ZNF773: variants seen among roughly 807,000 people sequenced by gnomAD.
The protein encoded by ZNF773 is zinc finger protein 419B.
A neutral mutation model predicts 12.8 loss-of-function variants in ZNF773; 11 were observed. That is an observed-to-expected ratio of 0.86 (90% CI 0.54 to 1.42). The LOEUF (loss-of-function observed/expected upper bound fraction) is 1.42, where lower values mean the gene tolerates loss of function less well. Ranked by LOEUF, ZNF773 falls within the 40% of genes most tolerant of loss-of-function variation. The pLI, the probability that ZNF773 is intolerant of heterozygous loss-of-function variation, is 0.00. For synonymous variants in ZNF773, 175 were observed against 178.4 expected (o/e 0.98, Z 0.15); for missense variants, 518 against 527.2 (o/e 0.98, Z 0.17).
At chr19:57,515,673 G>A (rs2089827238), downstream of ZNF773, 1 of 152,148 alleles carries the variant, frequency 6.6e-6, no homozygotes, top group African/African-American at 2.4e-5. Context: ...ACTGACAATG[G>A]ACCTGCTTAT....
downstream of ZNF773, among the ~76,000 whole-genome samples, chr19:57,510,475 T>C (rs192515581): frequency 3.2e-4 from 48 of 152,276 alleles, no homozygotes; most frequent in East Asian, 8.7e-3. Flanking sequence ...TCCCCAACAT[T>C]AGGAATAACA....
At chr19:57,505,059 G>A in intron 2 of ZNF773, 1 of 708,794 alleles carries the variant, frequency 1.4e-6, no homozygotes, top group Non-Finnish European at 2.6e-6. Flanking sequence ...GTGGCCTGGT[G>A]ACACTGTGCA....
At chr19:57,517,777 A>G (rs986881092), downstream of ZNF773, 1 of 152,216 alleles carries the variant, frequency 6.6e-6, no homozygotes, top group Admixed American at 6.5e-5. Flanking sequence ...ATTCAATGTT[A>G]CTTTTGATAT....
chr19:57,507,710 A>C lies in ZNF773; in HGVS notation c.*286A>C, dbSNP rs1366976873. The C allele has an allele frequency of 8.3e-7, 1 of 1,205,770 alleles. No homozygotes were observed. Among genetic ancestry groups the C allele is most frequent in the African/African-American group, 1.6e-5 (1 of 63,964 alleles). 74.7% of individuals were successfully genotyped at this position (1,205,770 alleles called of 1,614,324 possible). ...CAGAAACAGCCAGGCGTGGTGGCTG[A>C]CACCTGTTATTCTCACCACTTTGGG... On this transcript the variant is annotated 3_prime_UTR_variant, in exon 4 of 4. Transcript: ENST00000282292.
At chr19:57,516,170 G>C (rs1037625226), downstream of ZNF773, 1 of 155,802 alleles carries the variant, frequency 6.4e-6, no homozygotes, top group African/African-American at 2.4e-5. Flanking sequence ...CCATGAGCTA[G>C]TTGAATCTGA....
chr19:57,504,503 A>G lies in ZNF773; in HGVS notation c.34-154A>G, dbSNP rs565218361. On this transcript the variant is annotated intron_variant, in intron 1 of 3. Transcript: ENST00000282292. ...ACCTGCCTCTGCTTGCTCAGTGGGA[A>G]CATGAGGAGAGAGTGGGCATCAGTG... Among the ~76,000 whole-genome samples the G allele has an allele frequency of 6.8e-4, 103 of 152,170 alleles. 1 individual carries two copies. The highest frequency in any genetic ancestry group is 1.4e-3 in the African/African-American group (57 of 41,546).
At position 57,500,022 on chromosome 19, in the gene ZNF773, C is replaced by T; in HGVS notation, c.-59C>T. 1 of 1,529,532 alleles carries T rather than the reference C, an allele frequency of 6.5e-7. No homozygotes were observed. 94.7% of individuals were successfully genotyped at this position (1,529,532 alleles called of 1,614,324 possible). ...CAGAGGCGGGTCTGAGGCTCGGTGG[C>T]GGCGCCCAGGGTGGCCCGGGCCCTT... is the stretch of plus-strand genomic sequence containing the variant. On this transcript the variant is annotated 5_prime_UTR_variant, in exon 1 of 4. Coordinates refer to ENST00000282292, the MANE Select transcript of ZNF773 (RefSeq NM_198542.3).
chr19:57,512,420 T>TTTTG (rs1310928058), downstream of ZNF773, among the ~76,000 whole-genome samples: 2 of 131,620 alleles, frequency 1.5e-5, no homozygotes, highest in Non-Finnish European at 3.3e-5. Flanking sequence ...TTTTTTTTTT[T>TTTTG]TTGAGATGGA....
downstream of ZNF773, chr19:57,517,592 G>C (rs538699507): frequency 1.3e-4 from 20 of 149,548 alleles, no homozygotes; most frequent in African/African-American, 5.1e-4. Flanking sequence ...ACAAACAGAA[G>C]TGGCAATGTT....
At chr19:57,514,407 C>G (rs944913670), downstream of ZNF773, 1 of 152,196 alleles carries the variant, frequency 6.6e-6, no homozygotes, top group Admixed American at 6.5e-5. Flanking sequence ...TTATCAGACC[C>G]TCCAAGGAGA....
At position 57,507,816 on chromosome 19, in the gene ZNF773, T is replaced by C; in HGVS notation, c.*392T>C. ...AATGAAACCACATCTCTACTAAAAA[T>C]ACAAAAATTTACTGGGCATGGTGGT... is the stretch of plus-strand genomic sequence containing the variant. On this transcript the variant is annotated 3_prime_UTR_variant, in exon 4 of 4. Coordinates refer to ENST00000282292, the MANE Select transcript of ZNF773 (RefSeq NM_198542.3). 1 of 588,010 alleles carries C rather than the reference T, an allele frequency of 1.7e-6. No homozygotes were observed. 36.4% of individuals were successfully genotyped at this position (588,010 alleles called of 1,614,324 possible).
At chr19:57,503,536 T>G (rs1299001141) in intron 1 of ZNF773, among the ~76,000 whole-genome samples, 1 of 152,182 alleles carries the variant, frequency 6.6e-6, no homozygotes, top group Non-Finnish European at 1.5e-5. Context: ...TTCATCCAAC[T>G]GTGGGATCAC....
Position 57,508,160 on chromosome 19 carries a change from A to G in ZNF773, c.*736A>G. ...CGTCTCAAAAAAAAAAAAAAAAAAC[A>G]AAAAAAACCCAGAAACTCTGAGGGT... On this transcript the variant is annotated 3_prime_UTR_variant, in exon 4 of 4. Transcript: ENST00000282292. 1 of 862,406 alleles carries G rather than the reference A, an allele frequency of 1.2e-6. No individual in the cohort carries two copies. 53.4% of individuals were successfully genotyped at this position (862,406 alleles called of 1,614,324 possible).
chr19:57,500,279 A>G (rs2089654283), intron 1 of ZNF773, among the ~76,000 whole-genome samples, 166 bp downstream of exon 1: 1 of 151,982 alleles, frequency 6.6e-6, no homozygotes, highest in Admixed American at 6.5e-5. Flanking sequence ...GCTCGCAAAG[A>G]TGTGAGGCGC....
At chr19:57,502,508 G>A (rs2089681454) in intron 1 of ZNF773, among the ~76,000 whole-genome samples, 1 of 152,086 alleles carries the variant, frequency 6.6e-6, no homozygotes, top group Non-Finnish European at 1.5e-5. Flanking sequence ...AAATGGGGAA[G>A]GCTACACAGG....
chr19:57,513,052 A>T (rs749124628), downstream of ZNF773: 1 of 1,559,494 alleles, frequency 6.4e-7, no homozygotes, highest in Non-Finnish European at 8.7e-7. Context: ...GTGGCGCCCG[A>T]ACAGGGACGT....
chr19:57,503,289 A>G (rs1393418264), intron 1 of ZNF773, among the ~76,000 whole-genome samples: 1 of 152,168 alleles, frequency 6.6e-6, no homozygotes, highest in East Asian at 1.9e-4. Context: ...TGGTAATGCC[A>G]TTAGGTAATA....
chr19:57,500,156 C>G, intron 1 of ZNF773, 43 bp downstream of exon 1: 1 of 1,573,730 alleles, frequency 6.4e-7, no homozygotes, highest in Non-Finnish European at 8.6e-7. Flanking sequence ...TCCTAAAGCC[C>G]TGTGAGGGCC....
At chr19:57,504,389 A>C (rs1372716447) in intron 1 of ZNF773, among the ~76,000 whole-genome samples, 1 of 152,178 alleles carries the variant, frequency 6.6e-6, no homozygotes, top group Non-Finnish European at 1.5e-5. Context: ...TGGGAAACAC[A>C]ATCTGGGGGA....
Sources: allele counts gnomAD v4.1 joint callset (sites outside exome capture counted in the v4.1 genomes callset), GRCh38; gene constraint gnomAD v4.1.1; transcripts MANE v1.5; gene names NCBI Gene and HGNC (gene_info 2026-07-23, HGNC 2026-07-21).